Variants in CD207 observed in about 807,000 individuals in gnomAD.
CD207 encodes the protein C-type lectin domain family 4 member K.
A neutral mutation model predicts 31.6 loss-of-function variants in CD207; 28 were observed. The observed-to-expected ratio is 0.89, with a 90% CI of 0.66 to 1.21. CD207 has a LOEUF of 1.21. CD207 is among the 50% of genes most tolerant of loss of function. The pLI, the probability that CD207 is intolerant of heterozygous loss-of-function variation, is 0.00. For missense variants in CD207, 388 were observed against 397.8 expected (o/e 0.98, Z 0.21); for synonymous variants, 168 against 153.9 (o/e 1.09, Z -0.68).
rs1271902695 is a variant in CD207 at position 70,832,895 on chromosome 2, C to T, written c.717+5G>A. 1.2e-6 allele frequency: 2 copies of T among 1,612,176 alleles called. No homozygotes were observed. The highest frequency in any genetic ancestry group is 2.7e-5 in the African/African-American group (2 of 74,930). On this transcript the variant is annotated splice_donor_5th_base_variant and intron_variant, in intron 4 of 5. Transcript: ENST00000410009. ...CTTCACAGAGCCCATAGGCACAGCA[C>T]TCACCTGCTCACTCTCTGAGGTCAC...
rs1553400262 is a variant in CD207 at position 70,833,665 on chromosome 2, G to C, written c.546C>G (p.Ser182Arg). The C allele has an allele frequency of 6.2e-7, 1 of 1,611,544 alleles. No individual in the cohort carries two copies. The highest frequency in any genetic ancestry group is 1.3e-5 in the African/African-American group (1 of 74,748). ...RALQGSLENMSKLLKRQNDIL... is the reference protein window; with the variant it reads ...RALQGSLENMRKLLKRQNDIL... Reference sequence around the variant, plus strand: ...ACTTACTTTGTCGTTTGAGCAACTTGCTCATATTCTCCAAGCTGCCCTGGA... The same window carrying C: ...ACTTACTTTGTCGTTTGAGCAACTTCCTCATATTCTCCAAGCTGCCCTGGA... The change falls in exon 3 of 6, where the codon AGC (serine) becomes AGG (arginine). Residue 182 changes from serine (S) to arginine (R), a missense_variant. Ser to Arg is a moderately radical substitution (Grantham distance 110). Coordinates refer to ENST00000410009, the MANE Select transcript of CD207 (RefSeq NM_015717.5).
downstream of CD207, among the ~76,000 whole-genome samples, chr2:70,828,140 G>A (rs116208699): frequency 7.1e-3 from 1,074 of 152,296 alleles, 12 homozygotes; most frequent in African/African-American, 0.025. Context: ...GAAATACTGT[G>A]GGGTCCATGA....
chr2:70,833,165 G>C, intron 3 of CD207, 114 bp from the exon 4 acceptor site: 1 of 910,710 alleles, frequency 1.1e-6, no homozygotes. Context: ...GCTGTGCGCT[G>C]GTGTCCTTGG....
the CD207 span, among the ~76,000 whole-genome samples, chr2:70,824,754 T>C: frequency 6.6e-6 from 1 of 151,886 alleles, no homozygotes; most frequent in Non-Finnish European, 1.5e-5. Context: ...TAAAATAGTA[T>C]TGGATTATAA....
Position 70,835,332 on chromosome 2 carries a change from A to T in CD207, c.190+159T>A, listed in dbSNP as rs1384315845. The stretch of plus-strand genomic sequence containing the variant: ...AGCATCAGCTCACCGTACTGGGGGC[A>T]GCACAGCCTGTTACTGCACATGGAA... On this transcript the variant is annotated intron_variant, in intron 2 of 5. Transcript: ENST00000410009. Among the ~76,000 whole-genome samples the T allele has an allele frequency of 2.0e-5, 3 of 152,170 alleles. No homozygotes were observed. In the East Asian group the frequency reaches 5.8e-4, roughly 29 times the overall value.
the CD207 span, among the ~76,000 whole-genome samples, chr2:70,824,621 C>CAAAAAAAAAAAAAA: frequency 2.8e-3 from 108 of 38,244 alleles, 19 homozygotes; most frequent in East Asian, 6.2e-3. Context: ...TGCTTAGTTA[C>CAAAAAAAAAAAAAA]CAAAAAAAAA....
chr2:70,825,122 CT>C, the CD207 span, among the ~76,000 whole-genome samples: 1 of 152,170 alleles, frequency 6.6e-6, no homozygotes, highest in Admixed American at 6.5e-5. Flanking sequence ...CATGGTCTTC[CT>C]CCTGAAACTC....
In CD207 at chr2:70,831,115, C is replaced by T; in HGVS notation, c.922G>A (p.Asp308Asn). The change falls in exon 6 of 6, where the codon GAT becomes AAT. Residue 308 changes from aspartate (D) to asparagine (N), a missense_variant. Transcript: ENST00000410009. ...IKAPSLQAWN[D>N]APCDKTFLFI... The stretch of plus-strand genomic sequence containing the variant: ...AGAAACGTTTTGTCACATGGGGCAT[C>T]ATTCCAGGCCTGAAGTGAGGGAGCC... The T allele has an allele frequency of 4.3e-6, 7 of 1,613,846 alleles. No individual in the cohort carries two copies. Among genetic ancestry groups the T allele is most frequent in the Non-Finnish European group, 5.9e-6 (7 of 1,179,772 alleles).
chr2:70,824,312 C>T, the CD207 span, among the ~76,000 whole-genome samples: 1 of 134,956 alleles, frequency 7.4e-6, no homozygotes, highest in South Asian at 2.4e-4. Context: ...CGTTCGTCTC[C>T]TAACTGTTCT....
chr2:70,831,238 G>A (rs1553399723), intron 5 of CD207, 38 bp from the exon 6 acceptor site: 3 of 1,576,534 alleles, frequency 1.9e-6, no homozygotes, highest in Non-Finnish European at 2.6e-6. Context: ...TTACAAAGTG[G>A]AAAATCAAAA....
At chr2:70,825,809 A>G (rs67290967), downstream of CD207, among the ~76,000 whole-genome samples, 53,488 of 151,800 alleles carry the variant, frequency 0.35, 9,574 homozygotes, top group East Asian at 0.52. Flanking sequence ...CTCTGTGAAC[A>G]CAGGCATGAG....
chr2:70,827,777 A>T (rs1677379949), downstream of CD207, among the ~76,000 whole-genome samples: 1 of 140,220 alleles, frequency 7.1e-6, no homozygotes, highest in South Asian at 2.4e-4. Context: ...AGAATGACAA[A>T]GAGAAAATGA....
chr2:70,833,677 C>T lies in CD207; in HGVS notation c.534G>A (p.Leu178=), dbSNP rs1410571403. The T allele has an allele frequency of 1.9e-6, 3 of 1,612,564 alleles. No homozygotes were observed. The highest frequency in any genetic ancestry group is 2.7e-5 in the African/African-American group (2 of 74,834). Reference sequence around the variant, plus strand: ...GTTTGAGCAACTTGCTCATATTCTCCAAGCTGCCCTGGAGTGCCCGGATCT... The same window carrying T: ...GTTTGAGCAACTTGCTCATATTCTCTAAGCTGCCCTGGAGTGCCCGGATCT... ...NTKIRALQGS[L]ENMSKLLKRQ... Residue 178 remains leucine (L), a synonymous_variant, in exon 3 of 6, where the codon TTG becomes TTA. Transcript: ENST00000410009.
At chr2:70,824,775 A>G in the CD207 span, among the ~76,000 whole-genome samples, 1 of 152,230 alleles carries the variant, frequency 6.6e-6, no homozygotes, top group Admixed American at 6.5e-5. Flanking sequence ...CCCAAAGTGT[A>G]AGAGAAATAT....
downstream of CD207, among the ~76,000 whole-genome samples, chr2:70,825,550 AAT>A (rs1553398799): frequency 0.015 from 2,278 of 152,182 alleles, 69 homozygotes; most frequent in African/African-American, 0.051. Context: ...TTTTAAAAAA[AAT>A]TTTTGAGACA....
chr2:70,833,539 G>A, intron 3 of CD207, 107 bp downstream of exon 3: 1 of 1,284,608 alleles, frequency 7.8e-7, no homozygotes, highest in Non-Finnish European at 1.0e-6. Flanking sequence ...CCCCTCTTTT[G>A]CCCCCACTCT....
rs1553400336 is a variant in CD207 at position 70,833,821 on chromosome 2, C to T, written c.390G>A (p.Val130=). The T allele has an allele frequency of 1.9e-6, 3 of 1,613,872 alleles. No individual in the cohort carries two copies. The highest frequency in any genetic ancestry group is 2.2e-5 in the South Asian group (2 of 91,092). The change falls in exon 3 of 6, where the codon GTG becomes GTA. Residue 130 remains valine (V), a synonymous_variant. Coordinates refer to ENST00000410009, the MANE Select transcript of CD207 (RefSeq NM_015717.5). ...RSQFLKLKTS[V]EKANAQIQIL... ...TCTGGATCTGTGCGTTGGCCTTCTC[C>T]ACACTGGTTTTTAACTTCAGGAACT...
At chr2:70,825,669 G>C (rs898569230), downstream of CD207, among the ~76,000 whole-genome samples, 6 of 151,912 alleles carry the variant, frequency 3.9e-5, no homozygotes, top group African/African-American at 1.5e-4. Flanking sequence ...CTCTTGATTT[G>C]CTGGGACTAC....
chr2:70,825,113 A>G, the CD207 span, among the ~76,000 whole-genome samples: 1 of 152,218 alleles, frequency 6.6e-6, no homozygotes, highest in Non-Finnish European at 1.5e-5. Context: ...CTTTATCTCC[A>G]TGGTCTTCCT....
Sources: gnomAD v4.1 joint callset for allele counts (sites outside exome capture counted in the v4.1 genomes callset) on GRCh38, gnomAD v4.1.1 for gene constraint, MANE v1.5 for transcripts, NCBI Gene and HGNC (gene_info 2026-07-23, HGNC 2026-07-21) for gene names.